PSD3: variants seen among roughly 807,000 people sequenced by gnomAD.
PSD3 encodes PH and SEC7 domain-containing protein 3.
Under a neutral mutation model 105.5 loss-of-function variants are expected in PSD3, and 49 were observed. That is an observed-to-expected ratio of 0.46 (90% CI 0.37 to 0.59). The LOEUF (loss-of-function observed/expected upper bound fraction) is 0.59. PSD3 is among the 20% of genes least tolerant of loss of function. The pLI is 0.00. For missense variants in PSD3, 1,561 were observed against 1,263.8 expected (o/e 1.24, Z -3.57); for synonymous variants, 557 against 457.8 (o/e 1.22, Z -2.77).
intron 1 of PSD3, among the ~76,000 whole-genome samples, chr8:18,948,814 T>C (rs1435042109): frequency 2.0e-5 from 3 of 152,044 alleles, no homozygotes; most frequent in Non-Finnish European, 4.4e-5. Flanking sequence ...ATTTGTCACT[T>C]TGACAAAGAG....
intron 4 of PSD3, among the ~76,000 whole-genome samples, chr8:18,813,888 G>A (rs544548233): frequency 6.6e-6 from 1 of 152,278 alleles, no homozygotes; most frequent in African/African-American, 2.4e-5. Flanking sequence ...AACAAAAAAC[G>A]TCTGCTCCTA....
chr8:18,963,713 T>C (rs1327418034), intron 1 of PSD3, among the ~76,000 whole-genome samples: 1 of 152,180 alleles, frequency 6.6e-6, no homozygotes, highest in Non-Finnish European at 1.5e-5. Context: ...CAGGTATAAA[T>C]AATTTATTAA....
intron 8 of PSD3, among the ~76,000 whole-genome samples, chr8:18,783,282 T>C (rs1808814133): frequency 6.6e-6 from 1 of 152,188 alleles, no homozygotes; most frequent in African/African-American, 2.4e-5. Context: ...TCACTTACAG[T>C]AGTTACTTCC....
At chr8:18,736,981 A>G (rs991882998) in intron 9 of PSD3, among the ~76,000 whole-genome samples, 5 of 152,220 alleles carry the variant, frequency 3.3e-5, no homozygotes, top group African/African-American at 1.2e-4. Context: ...CCTGGACTAG[A>G]TGACATAAAA....
chr8:18,903,390 G>A (rs1378321612), intron 2 of PSD3, among the ~76,000 whole-genome samples: 1 of 152,136 alleles, frequency 6.6e-6, no homozygotes, highest in Non-Finnish European at 1.5e-5. Context: ...GCAAGTACCT[G>A]GGAATGGCAA....
At position 18,799,746 on chromosome 8, in the gene PSD3, GAC is replaced by G. The variant is rs1179588736; in HGVS notation, c.2024-395_2024-394del. On this transcript the variant is annotated intron_variant, in intron 7 of 15. Transcript: ENST00000327040. ...AGACAAGTAAATATGAGCCTCCAAA[GAC>G]ACATTACTGTTAGGTTAAAGTCATA... Among the ~76,000 whole-genome samples, 12 of 152,230 alleles carry G rather than the reference GAC, an allele frequency of 7.9e-5. 1 individual carries two copies. Among genetic ancestry groups the G allele is most frequent in the Admixed American group, 7.9e-4 (12 of 15,272 alleles).
intron 10 of PSD3, among the ~76,000 whole-genome samples, chr8:18,654,139 C>CAT (rs765249435): frequency 1.2e-3 from 181 of 150,842 alleles, no homozygotes; most frequent in African/African-American, 2.3e-3. Flanking sequence ...ACACATAAGC[C>CAT]ATATATATAT....
intron 1 of PSD3, among the ~76,000 whole-genome samples, chr8:18,937,292 T>C (rs949604039): frequency 2.6e-5 from 4 of 152,228 alleles, no homozygotes; most frequent in Non-Finnish European, 5.9e-5. Flanking sequence ...AGGATACAGA[T>C]ATCACCGGTA....
At chr8:18,623,562 C>T (rs910281263) in intron 11 of PSD3, among the ~76,000 whole-genome samples, 1 of 150,504 alleles carries the variant, frequency 6.6e-6, no homozygotes. Context: ...ACTACCTGAG[C>T]CCAGAAGTCT....
chr8:18,799,038 G>T (rs1433422614), intron 8 of PSD3: 3 of 392,688 alleles, frequency 7.6e-6, no homozygotes, highest in Non-Finnish European at 1.4e-5. Context: ...CCATCTACTG[G>T]ACAAAGAAGA....
chr8:18,847,730 A>G (rs1815212327), intron 4 of PSD3, among the ~76,000 whole-genome samples: 1 of 152,200 alleles, frequency 6.6e-6, no homozygotes, highest in Non-Finnish European at 1.5e-5. Context: ...GGCCAGAGCC[A>G]AAGTCTCCTG....
chr8:18,542,874 T>C (rs537774634), intron 15 of PSD3, among the ~76,000 whole-genome samples: 1 of 152,338 alleles, frequency 6.6e-6, no homozygotes, highest in South Asian at 2.1e-4. Context: ...GTTATGTTAT[T>C]AAAGATTTTA....
chr8:18,716,577 G>A (rs994229251), intron 9 of PSD3, among the ~76,000 whole-genome samples: 1 of 152,108 alleles, frequency 6.6e-6, no homozygotes, highest in Non-Finnish European at 1.5e-5. Flanking sequence ...GGCAGGGAGG[G>A]TATTCAAGAC....
chr8:18,732,153 T>TA (rs954006197), intron 9 of PSD3, among the ~76,000 whole-genome samples: 2 of 150,064 alleles, frequency 1.3e-5, no homozygotes, highest in African/African-American at 4.9e-5. Context: ...ATAAAGCTGG[T>TA]AAAAAAACAA....
intron 2 of PSD3, 56 bp downstream of exon 2, chr8:18,935,978 G>T: frequency 8.7e-7 from 1 of 1,155,758 alleles, no homozygotes. Flanking sequence ...AAATCACTTT[G>T]AAATCACAGC....
intron 9 of PSD3, among the ~76,000 whole-genome samples, chr8:18,672,641 A>G (rs1367812532): frequency 6.6e-6 from 1 of 152,222 alleles, no homozygotes; most frequent in Non-Finnish European, 1.5e-5. Flanking sequence ...AGCACCAACT[A>G]TTATCGGTAT....
At chr8:18,890,220 A>G (rs1332118945) in intron 2 of PSD3, among the ~76,000 whole-genome samples, 1 of 152,190 alleles carries the variant, frequency 6.6e-6, no homozygotes, top group Non-Finnish European at 1.5e-5. Flanking sequence ...CCTTCATTGA[A>G]CAAGTTCCAG....
At chr8:18,740,142 C>T (rs1449385722) in intron 9 of PSD3, among the ~76,000 whole-genome samples, 1 of 152,138 alleles carries the variant, frequency 6.6e-6, no homozygotes, top group Non-Finnish European at 1.5e-5. Flanking sequence ...CTCCACATTC[C>T]CCTAGCACGG....
At position 18,572,194 on chromosome 8, in the gene PSD3, A is replaced by G. The variant is rs77512358; in HGVS notation, c.2784+334T>C. ...AAATGCTCAATAAAAATGAGCTAAT[A>G]AATGAATGCAAGAAAAGCTTGTTAC... On this transcript the variant is annotated intron_variant, in intron 14 of 15. Coordinates refer to ENST00000327040, the MANE Select transcript of PSD3 (RefSeq NM_015310.4). 8.2e-3 allele frequency among the ~76,000 whole-genome samples: 1,256 copies of G among 152,350 alleles called. 16 individuals carry two copies. The highest frequency in any genetic ancestry group is 0.029 in the African/African-American group (1,187 of 41,586).
Sources: gnomAD v4.1 joint callset for allele counts (sites outside exome capture counted in the v4.1 genomes callset) on GRCh38, gnomAD v4.1.1 for gene constraint, MANE v1.5 for transcripts, NCBI Gene and HGNC (gene_info 2026-07-23, HGNC 2026-07-21) for gene names.